HS6ST3: variants seen among roughly 807,000 people sequenced by gnomAD.
HS6ST3 encodes heparan sulfate 6-O-sulfotransferase 3.
In HS6ST3, 12 loss-of-function variants were observed where a neutral mutation model predicts 36.7. The observed-to-expected ratio is 0.33, with a 90% CI of 0.21 to 0.53. The LOEUF is 0.53. Ranked by LOEUF, HS6ST3 falls within the 20% of genes least tolerant of loss-of-function variation. The pLI, the probability that HS6ST3 is intolerant of heterozygous loss-of-function variation, is 0.95. For missense variants in HS6ST3, 584 were observed against 640.9 expected (o/e 0.91, Z 0.96); for synonymous variants, 240 against 257.5 (o/e 0.93, Z 0.65).
At position 96,630,677 on chromosome 13, in the gene HS6ST3, A is replaced by G. The variant is rs565155896; in HGVS notation, c.708-201813A>G. 2.8e-4 allele frequency among the ~76,000 whole-genome samples: 42 copies of G among 152,140 alleles called. 1 individual carries two copies. The highest frequency in any genetic ancestry group is 2.7e-3 in the Admixed American group (41 of 15,284). Reference sequence around the variant, plus strand: ...GAGTCAGGGTCACAGGATTTGGCTAATATTCTCGGGGCATCTGAGGCTTTG... The same window carrying G: ...GAGTCAGGGTCACAGGATTTGGCTAGTATTCTCGGGGCATCTGAGGCTTTG... On this transcript the variant is annotated intron_variant, in intron 1 of 1. Transcript: ENST00000376705.
intron 1 of HS6ST3, among the ~76,000 whole-genome samples, chr13:96,695,164 T>C (rs1167270771): frequency 6.6e-6 from 1 of 152,220 alleles, no homozygotes. Context: ...ATTCTGCTCA[T>C]TGGTCCTAGT....
intron 1 of HS6ST3, among the ~76,000 whole-genome samples, chr13:96,230,165 AC>A (rs750670333): frequency 6.6e-5 from 10 of 152,084 alleles, no homozygotes; most frequent in Non-Finnish European, 1.3e-4. Flanking sequence ...TTGTTGAAGG[AC>A]CCTGAGAAGA....
chr13:96,635,840 A>G (rs977940222), intron 1 of HS6ST3, among the ~76,000 whole-genome samples: 1 of 152,138 alleles, frequency 6.6e-6, no homozygotes, highest in African/African-American at 2.4e-5. Flanking sequence ...TGGGAGATGT[A>G]TGTACTGGTA....
intron 1 of HS6ST3, among the ~76,000 whole-genome samples, chr13:96,474,256 G>A (rs1217006233): frequency 6.6e-6 from 1 of 152,164 alleles, no homozygotes; most frequent in African/African-American, 2.4e-5. Context: ...ACACTGAGTT[G>A]TTAGTGATGG....
chr13:96,673,674 T>C (rs2056689580), intron 1 of HS6ST3, among the ~76,000 whole-genome samples: 1 of 152,148 alleles, frequency 6.6e-6, no homozygotes, highest in Non-Finnish European at 1.5e-5. Context: ...TTAAATCTTC[T>C]GTTGTGTTTT....
rs117029316 is a variant in HS6ST3 at position 96,365,174 on chromosome 13, G to A, written c.707+273605G>A. 3.9e-3 allele frequency among the ~76,000 whole-genome samples: 599 copies of A among 152,318 alleles called. 2 individuals are homozygous for A. Among genetic ancestry groups the A allele is most frequent in the Non-Finnish European group, 7.5e-3 (508 of 68,028 alleles). Reference sequence around the variant, plus strand: ...AATGTCCAGGTGTGAACTGACAGAAGCCTGGGCAGAGATGTTTTAGATGTA... The same window carrying A: ...AATGTCCAGGTGTGAACTGACAGAAACCTGGGCAGAGATGTTTTAGATGTA... On this transcript the variant is annotated intron_variant, in intron 1 of 1. Transcript: ENST00000376705.
chr13:96,091,031 CG>C lies in HS6ST3; in HGVS notation c.172del (p.Ala58LeufsTer74). On this transcript the variant is annotated frameshift_variant, in exon 1 of 2. Coordinates refer to ENST00000376705, the MANE Select transcript of HS6ST3 (RefSeq NM_153456.4). LOFTEE classifies it high-confidence loss of function. ...GCCCGCCGTCCCGGGTCCCGCCCGC[CG>C]GGCTCAGGCGCCGCCGGAGGAGTGG... is the stretch of plus-strand genomic sequence containing the variant. The part of the protein sequence containing the change: ...GPPAVPGPAR[R>X]AQAPPEEWER... The C allele has an allele frequency of 8.0e-7, 1 of 1,244,872 alleles. No homozygotes were observed. The highest frequency in any genetic ancestry group is 3.8e-5 in the South Asian group (1 of 26,342). The allele number at this position is 1,244,872 out of a possible 1,614,324, so 77.1% of individuals were successfully genotyped here.
chr13:96,327,414 A>C (rs1442477417), intron 1 of HS6ST3, among the ~76,000 whole-genome samples: 50 of 152,108 alleles, frequency 3.3e-4, no homozygotes, highest in South Asian at 1.2e-3. Context: ...CCAGTTTTCC[A>C]AGCACCATTT....
chr13:96,790,138 T>C (rs1261141495), intron 1 of HS6ST3, among the ~76,000 whole-genome samples: 1 of 151,952 alleles, frequency 6.6e-6, no homozygotes, highest in East Asian at 1.9e-4. Flanking sequence ...TTATTATTGA[T>C]CTACATGTAA....
chr13:96,633,474 C>G (rs2056538783), intron 1 of HS6ST3, among the ~76,000 whole-genome samples: 1 of 152,060 alleles, frequency 6.6e-6, no homozygotes, highest in African/African-American at 2.4e-5. Context: ...ATTTAGAAGT[C>G]CATTAGTCTA....
At chr13:96,751,792 A>G (rs1410564440) in intron 1 of HS6ST3, among the ~76,000 whole-genome samples, 2 of 151,676 alleles carry the variant, frequency 1.3e-5, no homozygotes, top group African/African-American at 2.4e-5. Flanking sequence ...ACATATATAC[A>G]TATGTGTGTA....
At chr13:96,613,792 C>A (rs1475935444) in intron 1 of HS6ST3, among the ~76,000 whole-genome samples, 2 of 152,016 alleles carry the variant, frequency 1.3e-5, no homozygotes, top group Admixed American at 1.3e-4. Context: ...CTGAGTCTAG[C>A]AAATTAATAA....
At chr13:96,591,020 G>C (rs2138975378) in intron 1 of HS6ST3, among the ~76,000 whole-genome samples, 1 of 149,310 alleles carries the variant, frequency 6.7e-6, no homozygotes, top group African/African-American at 2.4e-5. Flanking sequence ...ATTTGTTTCT[G>C]TGTTCTCTGT....
intron 1 of HS6ST3, among the ~76,000 whole-genome samples, chr13:96,523,625 A>C (rs946087261): frequency 5.9e-5 from 9 of 151,792 alleles, no homozygotes; most frequent in Non-Finnish European, 1.2e-4. Flanking sequence ...TTTGATTTTA[A>C]TCACTGATAC....
intron 1 of HS6ST3, among the ~76,000 whole-genome samples, chr13:96,180,101 T>C (rs1428289133): frequency 2.0e-5 from 3 of 152,090 alleles, no homozygotes; most frequent in Non-Finnish European, 4.4e-5. Flanking sequence ...TCCCAAAGTG[T>C]TGGGATTACA....
chr13:96,120,553 T>A (rs1020301732), intron 1 of HS6ST3, among the ~76,000 whole-genome samples: 1 of 151,974 alleles, frequency 6.6e-6, no homozygotes, highest in African/African-American at 2.4e-5. Context: ...TTAAAACAAG[T>A]TTTTTTTCTA....
intron 1 of HS6ST3, among the ~76,000 whole-genome samples, chr13:96,817,499 A>G (rs1878446427): frequency 6.6e-6 from 1 of 152,192 alleles, no homozygotes; most frequent in South Asian, 2.1e-4. Context: ...TACTAGAAAA[A>G]TAGTTCTCAG....
intron 1 of HS6ST3, among the ~76,000 whole-genome samples, chr13:96,291,952 A>G (rs1248422383): frequency 6.6e-6 from 1 of 152,178 alleles, no homozygotes; most frequent in Non-Finnish European, 1.5e-5. Flanking sequence ...CTCGTGTTCC[A>G]TAGAAAGCTA....
intron 1 of HS6ST3, among the ~76,000 whole-genome samples, chr13:96,532,443 G>A (rs2056139423): frequency 6.6e-6 from 1 of 152,186 alleles, no homozygotes; most frequent in Non-Finnish European, 1.5e-5. Flanking sequence ...AGGTCTGGGG[G>A]TTTTATCGGG....
Sources: allele counts gnomAD v4.1 joint callset (sites outside exome capture counted in the v4.1 genomes callset), GRCh38; gene constraint gnomAD v4.1.1; transcripts MANE v1.5; gene names NCBI Gene and HGNC (gene_info 2026-07-23, HGNC 2026-07-21).